PCDHA10: variants seen among roughly 807,000 people sequenced by gnomAD.
PCDHA10 encodes protocadherin alpha 10.
PCDHA10 carries 45 observed loss-of-function variants against 61.2 expected under a neutral mutation model. That is an observed-to-expected ratio of 0.74 (90% CI 0.58 to 0.94). The LOEUF (loss-of-function observed/expected upper bound fraction) is 0.94, where lower values mean the gene tolerates loss of function less well. Among genes scored for constraint, PCDHA10 ranks in the 40% least tolerant of loss-of-function variants. The probability of loss-of-function intolerance (pLI) is 0.00; values close to 1 mark genes in which losing one functional copy is unlikely to be tolerated. For missense variants in PCDHA10, 1,278 were observed against 1,236.2 expected (o/e 1.03, Z -0.51); for synonymous variants, 602 against 548.8 (o/e 1.10, Z -1.35).
At chr5:141,004,258 A>C (rs1164603441) in intron 3 of PCDHA10, among the ~76,000 whole-genome samples, 1 of 152,232 alleles carries the variant, frequency 6.6e-6, no homozygotes, top group Non-Finnish European at 1.5e-5. Flanking sequence ...TTTTACTGGA[A>C]TGAGTCACAG....
intron 3 of PCDHA10, among the ~76,000 whole-genome samples, chr5:140,983,223 C>T (rs2153830857): frequency 6.6e-6 from 1 of 152,270 alleles, no homozygotes; most frequent in Admixed American, 6.5e-5. Context: ...CTAATCCAAA[C>T]TTTCAGGAAA....
chr5:140,988,524 T>C (rs1338675660), intron 3 of PCDHA10, among the ~76,000 whole-genome samples: 2 of 152,212 alleles, frequency 1.3e-5, no homozygotes, highest in East Asian at 3.8e-4. Context: ...AAGTCTCTGC[T>C]GGCTCCATCC....
intron 1 of PCDHA10, among the ~76,000 whole-genome samples, chr5:140,885,265 T>C (rs2060534945): frequency 6.6e-6 from 1 of 152,186 alleles, no homozygotes; most frequent in African/African-American, 2.4e-5. Flanking sequence ...TAATTACTCA[T>C]ACATATATAT....
At chr5:140,949,263 C>G (rs1210516513) in intron 1 of PCDHA10, among the ~76,000 whole-genome samples, 1 of 151,714 alleles carries the variant, frequency 6.6e-6, no homozygotes, top group Non-Finnish European at 1.5e-5. Context: ...GAACATATCA[C>G]GTGCACTTGA....
chr5:140,865,089 TA>T (rs1554159250), intron 1 of PCDHA10: 1 of 152,250 alleles, frequency 6.6e-6, no homozygotes, highest in Admixed American at 6.5e-5. Flanking sequence ...GGGATATTAA[TA>T]AAGGCACTTC....
rs376943163 is a variant in PCDHA10 at position 140,883,718 on chromosome 5, G to C, written c.2388+25282G>C. On this transcript the variant is annotated intron_variant, in intron 1 of 3. Coordinates refer to ENST00000307360, the MANE Select transcript of PCDHA10 (RefSeq NM_018901.4). The stretch of plus-strand genomic sequence containing the variant: ...CACGGTGTCTGCTCAGGACGCGGAC[G>C]CACAGGAGAACGCGCTGGTCTCCTA... The C allele has an allele frequency of 5.0e-5, 81 of 1,613,524 alleles. No homozygotes were observed. Among genetic ancestry groups the C allele is most frequent in the Non-Finnish European group, 6.4e-5 (75 of 1,179,854 alleles).
At chr5:140,866,196 T>C (rs1176237600) in intron 1 of PCDHA10, 3 of 152,160 alleles carry the variant, frequency 2.0e-5, no homozygotes, top group African/African-American at 7.2e-5. Context: ...AACTGTGGTT[T>C]CCAATATCCT....
chr5:140,876,079 G>C, intron 1 of PCDHA10: 1 of 1,613,940 alleles, frequency 6.2e-7, no homozygotes, highest in Non-Finnish European at 8.5e-7. Flanking sequence ...ATTGGACAGA[G>C]AGCAAACGCC....
intron 1 of PCDHA10, among the ~76,000 whole-genome samples, chr5:140,925,206 G>C (rs576558414): frequency 6.6e-6 from 1 of 152,116 alleles, no homozygotes; most frequent in African/African-American, 2.4e-5. Context: ...AATAATTATC[G>C]ATACTTTTAG....
chr5:140,882,888 A>G, intron 1 of PCDHA10: 1 of 1,614,190 alleles, frequency 6.2e-7, no homozygotes. Context: ...GAAATTCAGG[A>G]ACATAGTTTA....
Position 140,882,398 on chromosome 5 carries a change from T to C in PCDHA10, c.2388+23962T>C, listed in dbSNP as rs782596260. The C allele has an allele frequency of 5.6e-6, 9 of 1,614,040 alleles. No individual in the cohort carries two copies. In the African/African-American group the frequency reaches 9.3e-5, roughly 17 times the overall value. On this transcript the variant is annotated intron_variant, in intron 1 of 3. Coordinates refer to ENST00000307360, the MANE Select transcript of PCDHA10 (RefSeq NM_018901.4). ...CCCCGAGGAAGCAAAACACGGCACCTTCGTGGGCCGCATCGCTCAGGACCT... is the reference window on the plus strand; with the variant it reads ...CCCCGAGGAAGCAAAACACGGCACCCTCGTGGGCCGCATCGCTCAGGACCT...
At chr5:140,877,995 T>A in intron 1 of PCDHA10, 1 of 1,054,404 alleles carries the variant, frequency 9.5e-7, no homozygotes. Context: ...AACTTTTATG[T>A]ATTTGTCTAA....
chr5:140,863,416 C>A, intron 1 of PCDHA10: 6 of 719,752 alleles, frequency 8.3e-6, no homozygotes, highest in African/African-American at 1.8e-5. Flanking sequence ...GCTGGTGTAC[C>A]GCAGCGTAGT....
chr5:140,882,451 G>C, intron 1 of PCDHA10: 1 of 1,614,040 alleles, frequency 6.2e-7, no homozygotes. Flanking sequence ...AGCTGGTGCC[G>C]CGCCTGTTCC....
chr5:140,945,153 C>T (rs996541335), intron 1 of PCDHA10, among the ~76,000 whole-genome samples: 1 of 152,064 alleles, frequency 6.6e-6, no homozygotes, highest in African/African-American at 2.4e-5. Flanking sequence ...TTTCTATACA[C>T]TATTGAACTA....
chr5:140,899,664 G>T (rs1263525075), intron 1 of PCDHA10, among the ~76,000 whole-genome samples: 17 of 152,124 alleles, frequency 1.1e-4, no homozygotes, highest in Admixed American at 1.0e-3. Flanking sequence ...GTCTCTGCCC[G>T]GCTTTGGTAT....
chr5:140,882,777 A>G (rs2059309071), intron 1 of PCDHA10: 1 of 1,614,096 alleles, frequency 6.2e-7, no homozygotes, highest in Non-Finnish European at 8.5e-7. Context: ...GCATTGACCT[A>G]CCGACTGGAT....
chr5:140,864,617 T>C (rs545757656), intron 1 of PCDHA10: 10 of 152,312 alleles, frequency 6.6e-5, no homozygotes, highest in African/African-American at 2.4e-4. Context: ...TTTGTTCTTT[T>C]TTAAAAAGAA....
In PCDHA10 at chr5:140,925,899, G is replaced by T. The variant is rs149135478; in HGVS notation, c.2389-53050G>T. ...TATAACCTCCTCTTTCACCCAGATC[G>T]TCAAGGGCCGTTTGCAAAGCACTCC... is the stretch of plus-strand genomic sequence containing the variant. On this transcript the variant is annotated intron_variant, in intron 1 of 3. Transcript: ENST00000307360. Among the ~76,000 whole-genome samples, 277 of 151,958 alleles carry T rather than the reference G, an allele frequency of 1.8e-3. 3 individuals carry two copies. The highest frequency in any genetic ancestry group is 6.4e-3 in the African/African-American group (264 of 41,382).
Sources: allele counts gnomAD v4.1 joint callset (sites outside exome capture counted in the v4.1 genomes callset), GRCh38; gene constraint gnomAD v4.1.1; transcripts MANE v1.5; gene names NCBI Gene and HGNC (gene_info 2026-07-23, HGNC 2026-07-21).